The following DNAJC25 variants were observed in gnomAD, a reference collection of about 807,000 sequenced individuals.
DNAJC25 encodes the protein DnaJ heat shock protein family (Hsp40) member C25.
Under a neutral mutation model 42.1 loss-of-function variants are expected in DNAJC25, and 26 were observed. That is an observed-to-expected ratio of 0.62 (90% CI 0.45 to 0.86). DNAJC25 has a LOEUF of 0.86. Ranked by LOEUF, DNAJC25 falls within the 40% of genes least tolerant of loss-of-function variation. The pLI is 0.00. For synonymous variants in DNAJC25, 189 were observed against 179.9 expected, an observed-to-expected ratio of 1.05 and a Z score of -0.40; for missense variants, 404 against 459.4, an observed-to-expected ratio of 0.88 and a Z score of 1.10.
In DNAJC25 at chr9:111,653,202, T is replaced by A. The variant is rs922626024; in HGVS notation, c.1063T>A (p.Leu355Ile). 1 of 1,583,506 alleles carries A rather than the reference T, an allele frequency of 6.3e-7. No homozygotes were observed. Residue 355 changes from leucine (L) to isoleucine (I), a missense_variant, in exon 4 of 4, where the codon TTA (leucine) becomes ATA (isoleucine). Physicochemically the swap from Leu to Ile is conservative, Grantham distance 5. Transcript: ENST00000313525. ...RWMKNEGPGR[L>I]TFVDD ...GATGAAGAATGAAGGGCCTGGGCGG[T>A]TAACATTTGTGGATGACTGAAGATT...
At chr9:111,643,700 T>G (rs1166689452) in intron 1 of DNAJC25, among the ~76,000 whole-genome samples, 1 of 151,534 alleles carries the variant, frequency 6.6e-6, no homozygotes, top group Non-Finnish European at 1.5e-5. Flanking sequence ...GCAAAGGAAA[T>G]TTTAACTTTG....
Position 111,631,929 on chromosome 9 carries a change from C to T in DNAJC25, c.336+186C>T, listed in dbSNP as rs187465987. Among the ~76,000 whole-genome samples, 1,178 of 152,354 alleles carry T rather than the reference C, an allele frequency of 7.7e-3. 17 individuals carry two copies. Among genetic ancestry groups the T allele is most frequent in the African/African-American group, 0.027 (1,117 of 41,576 alleles). On this transcript the variant is annotated intron_variant, in intron 1 of 3. Transcript: ENST00000313525. ...AAAGAGCCGAGTCGGCCCCACGGGG[C>T]CTTGGGGGGCACAGCTAGCCTCCTT...
intron 1 of DNAJC25, among the ~76,000 whole-genome samples, chr9:111,634,240 G>A (rs541824446): frequency 6.6e-6 from 1 of 152,306 alleles, no homozygotes; most frequent in Non-Finnish European, 1.5e-5. Flanking sequence ...CATTGAAGAT[G>A]CTCTCTCTTG....
intron 1 of DNAJC25, among the ~76,000 whole-genome samples, chr9:111,642,381 T>G (rs1830490413): frequency 7.6e-6 from 1 of 130,856 alleles, no homozygotes; most frequent in Non-Finnish European, 1.6e-5. Context: ...CGGTGCAAGA[T>G]GTGCTTTGTT....
At chr9:111,646,014 C>T (rs1271570064) in intron 1 of DNAJC25, among the ~76,000 whole-genome samples, 4 of 152,210 alleles carry the variant, frequency 2.6e-5, no homozygotes, top group Non-Finnish European at 5.9e-5. Context: ...CTGAAGCAAT[C>T]CTCCCGCCTT....
intron 2 of DNAJC25, among the ~76,000 whole-genome samples, chr9:111,647,911 T>C (rs374428492): frequency 9.8e-5 from 15 of 152,308 alleles, no homozygotes; most frequent in Non-Finnish European, 1.9e-4. Flanking sequence ...CCTGAGTAGC[T>C]GGGACTACAG....
chr9:111,653,000 T>C (rs1830686879), intron 3 of DNAJC25, 100 bp from the exon 4 acceptor site: 5 of 1,307,446 alleles, frequency 3.8e-6, no homozygotes, highest in Middle Eastern at 4.2e-4. Context: ...CTGGAAACTT[T>C]TTACCTAACA....
At chr9:111,648,676 A>G (rs1490826601) in intron 2 of DNAJC25, among the ~76,000 whole-genome samples, 1 of 152,198 alleles carries the variant, frequency 6.6e-6, no homozygotes, top group Non-Finnish European at 1.5e-5. Context: ...GAGAGCAGGG[A>G]TAATTTTACT....
intron 3 of DNAJC25, 79 bp downstream of exon 3, chr9:111,650,002 C>G (rs1830632091): frequency 7.9e-7 from 1 of 1,269,078 alleles, no homozygotes; most frequent in South Asian, 1.7e-5. Flanking sequence ...TGAGGGATCA[C>G]AGAAGTGTGC....
At chr9:111,636,157 G>A (rs1830360216) in intron 1 of DNAJC25, among the ~76,000 whole-genome samples, 1 of 152,188 alleles carries the variant, frequency 6.6e-6, no homozygotes, top group Admixed American at 6.5e-5. Context: ...TTGGATTAGA[G>A]AAGAATGTAC....
intron 1 of DNAJC25, among the ~76,000 whole-genome samples, chr9:111,637,214 G>A (rs756867341): frequency 6.6e-6 from 1 of 152,142 alleles, no homozygotes; most frequent in African/African-American, 2.4e-5. Flanking sequence ...GGGAGCCTGC[G>A]AGGTGCCGTG....
chr9:111,645,282 T>A (rs112087050), intron 1 of DNAJC25, among the ~76,000 whole-genome samples: 10,054 of 149,248 alleles, frequency 0.067, 396 homozygotes, highest in African/African-American at 0.097. Flanking sequence ...GGAGACAGAG[T>A]CTCGCTCTGT....
At chr9:111,650,875 A>T (rs141431330) in intron 3 of DNAJC25, among the ~76,000 whole-genome samples, 40 of 152,338 alleles carry the variant, frequency 2.6e-4, no homozygotes, top group African/African-American at 9.4e-4. Context: ...TGTCCTAAAT[A>T]GATTTCACTG....
In DNAJC25 at chr9:111,637,213, C is replaced by T. The variant is rs866236392; in HGVS notation, c.336+5470C>T. ...CTGCTATTTCTAGGTTGGGAGCCTG[C>T]GAGGTGCCGTGGGAGGGAGAATGTT... is the stretch of plus-strand genomic sequence containing the variant. On this transcript the variant is annotated intron_variant, in intron 1 of 3. Coordinates refer to ENST00000313525, the MANE Select transcript of DNAJC25 (RefSeq NM_001015882.3). Among the ~76,000 whole-genome samples, 3 of 152,132 alleles carry T rather than the reference C, an allele frequency of 2.0e-5. No individual in the cohort carries two copies. The South Asian group carries it at 6.2e-4, about 32-fold the overall frequency.
intron 1 of DNAJC25, among the ~76,000 whole-genome samples, chr9:111,641,824 C>G (rs1287624242): frequency 2.0e-5 from 1 of 49,714 alleles, no homozygotes; most frequent in Non-Finnish European, 5.3e-5. Flanking sequence ...TCAGCCCCCC[C>G]GCCCGGCCAG....
At chr9:111,649,211 G>T (rs776991297) in intron 2 of DNAJC25, among the ~76,000 whole-genome samples, 3 of 152,144 alleles carry the variant, frequency 2.0e-5, no homozygotes, top group Non-Finnish European at 4.4e-5. Context: ...TTGGGTCACT[G>T]ACTGCAGCAG....
intron 3 of DNAJC25, among the ~76,000 whole-genome samples, chr9:111,650,313 AAC>A (rs200877391): frequency 0.27 from 40,117 of 150,266 alleles, 5,807 homozygotes; most frequent in East Asian, 0.44. Flanking sequence ...AAAAAAAAAA[AAC>A]AACAGAGTAA....
At chr9:111,637,955 AT>A (rs1199720841) in intron 1 of DNAJC25, among the ~76,000 whole-genome samples, 1 of 151,040 alleles carries the variant, frequency 6.6e-6, no homozygotes, top group Non-Finnish European at 1.5e-5. Context: ...TTTCTTTTTT[AT>A]TTTCTAAGCT....
At chr9:111,631,841 C>T (rs1321025259) in intron 1 of DNAJC25, 98 bp downstream of exon 1, 2 of 1,408,972 alleles carry the variant, frequency 1.4e-6, no homozygotes, top group Non-Finnish European at 1.8e-6. Flanking sequence ...TCTGTGACCC[C>T]GAAACTGAGC....
Sources: gnomAD v4.1 joint callset for allele counts (sites outside exome capture counted in the v4.1 genomes callset) on GRCh38, gnomAD v4.1.1 for gene constraint, MANE v1.5 for transcripts, NCBI Gene and HGNC (gene_info 2026-07-23, HGNC 2026-07-21) for gene names.